Variants in RAB38 observed in about 807,000 individuals in gnomAD.
RAB38 encodes the protein RAB38, member RAS oncogene family, also known as ras-related protein Rab-38.
RAB38 carries 15 observed loss-of-function variants against 18.4 expected under a neutral mutation model. That is an observed-to-expected ratio of 0.82 (90% CI 0.55 to 1.26). RAB38 has a LOEUF of 1.26. Among genes scored for constraint, RAB38 ranks in the 50% most tolerant of loss-of-function variants. The probability of loss-of-function intolerance (pLI) is 0.00; values close to 1 mark genes in which losing one functional copy is unlikely to be tolerated. For missense variants in RAB38, 294 were observed against 267.4 expected (o/e 1.10, Z -0.69); for synonymous variants, 101 against 104.4 (o/e 0.97, Z 0.20).
chr11:88,029,404 T>G, the RAB38 span, among the ~76,000 whole-genome samples: 3 of 151,734 alleles, frequency 2.0e-5, no homozygotes, highest in Admixed American at 6.6e-5. Flanking sequence ...GTAAATGGGC[T>G]AAATGCTCCA....
At chr11:88,073,676 C>A in the RAB38 span, among the ~76,000 whole-genome samples, 1 of 151,034 alleles carries the variant, frequency 6.6e-6, no homozygotes, top group Non-Finnish European at 1.5e-5. Context: ...CTCAAATGCA[C>A]AAAGGAACCA....
At chr11:87,881,250 C>G in the RAB38 span, among the ~76,000 whole-genome samples, 60 of 151,970 alleles carry the variant, frequency 3.9e-4, no homozygotes, top group African/African-American at 1.4e-3. Flanking sequence ...TACACTGCCC[C>G]TGCTGCCCTC....
intron 1 of RAB38, among the ~76,000 whole-genome samples, chr11:88,163,370 A>G (rs1943209771): frequency 6.6e-6 from 1 of 152,182 alleles, no homozygotes; most frequent in Non-Finnish European, 1.5e-5. Context: ...TGAATAAAAG[A>G]AGATCTTTGA....
At chr11:88,142,835 G>A (rs1056872937) in intron 2 of RAB38, among the ~76,000 whole-genome samples, 2 of 152,186 alleles carry the variant, frequency 1.3e-5, no homozygotes, top group Non-Finnish European at 2.9e-5. Context: ...AAGTATATGT[G>A]AGAAAAGGCC....
At chr11:87,910,628 A>ATTTTTT in the RAB38 span, among the ~76,000 whole-genome samples, 2 of 74,194 alleles carry the variant, frequency 2.7e-5, no homozygotes, top group African/African-American at 1.2e-4. Flanking sequence ...TTCAAAGTTC[A>ATTTTTT]TTTTCTTTTT....
At chr11:87,874,845 G>C in the RAB38 span, among the ~76,000 whole-genome samples, 1 of 151,374 alleles carries the variant, frequency 6.6e-6, no homozygotes, top group South Asian at 2.1e-4. Context: ...CAGGTTGCTG[G>C]TGGGAATGTA....
At chr11:87,940,834 T>C in the RAB38 span, among the ~76,000 whole-genome samples, 1 of 151,952 alleles carries the variant, frequency 6.6e-6, no homozygotes, top group Non-Finnish European at 1.5e-5. Flanking sequence ...GATTTCACCA[T>C]ATTGCCAGGC....
downstream of RAB38, among the ~76,000 whole-genome samples, chr11:88,110,332 T>C (rs113418814): frequency 1.3e-5 from 2 of 150,880 alleles, no homozygotes; most frequent in African/African-American, 2.4e-5. Context: ...TGAGAACACA[T>C]GGACACAGAG....
At chr11:88,097,559 G>A in the RAB38 span, among the ~76,000 whole-genome samples, 36 of 151,878 alleles carry the variant, frequency 2.4e-4, no homozygotes, top group African/African-American at 8.4e-4. Flanking sequence ...TGTGCCATGC[G>A]GTGCCCTCAG....
the RAB38 span, among the ~76,000 whole-genome samples, chr11:88,037,686 G>T: frequency 6.6e-6 from 1 of 152,074 alleles, no homozygotes; most frequent in Non-Finnish European, 1.5e-5. Flanking sequence ...AAATGATACA[G>T]TATGGGTCTT....
chr11:87,962,189 G>C, the RAB38 span, among the ~76,000 whole-genome samples: 7 of 151,998 alleles, frequency 4.6e-5, no homozygotes, highest in African/African-American at 1.2e-4. Flanking sequence ...CCGAAAGAAG[G>C]CATCTTGGTG....
chr11:88,106,034 GGAAACA>G, the RAB38 span, among the ~76,000 whole-genome samples: 1 of 151,992 alleles, frequency 6.6e-6, no homozygotes, highest in East Asian at 1.9e-4. Context: ...GTCATGCAGT[GGAAACA>G]GAAACAGTCT....
the RAB38 span, among the ~76,000 whole-genome samples, chr11:87,819,691 T>C: frequency 6.9e-6 from 1 of 144,602 alleles, no homozygotes; most frequent in Non-Finnish European, 1.5e-5. Context: ...TATATATATA[T>C]GTGTGTGTGT....
the RAB38 span, among the ~76,000 whole-genome samples, chr11:87,922,889 TGGAAGGG>T: frequency 5.0e-5 from 6 of 120,512 alleles, no homozygotes; most frequent in South Asian, 2.5e-4. Context: ...GGATGGGAGA[TGGAAGGG>T]GGAAGGGAGG....
chr11:88,094,426 C>T, the RAB38 span, among the ~76,000 whole-genome samples: 118 of 151,976 alleles, frequency 7.8e-4, 2 homozygotes, highest in East Asian at 0.021. Context: ...ATTTCTGAGG[C>T]CTACCCTAGA....
At chr11:87,808,252 A>T in the RAB38 span, among the ~76,000 whole-genome samples, 26 of 152,164 alleles carry the variant, frequency 1.7e-4, no homozygotes, top group African/African-American at 2.7e-4. Flanking sequence ...GAGATATCTA[A>T]GCTCCCATGT....
chr11:87,851,056 G>A, the RAB38 span, among the ~76,000 whole-genome samples: 1 of 152,178 alleles, frequency 6.6e-6, no homozygotes, highest in Non-Finnish European at 1.5e-5. Flanking sequence ...CTCAGGGAGA[G>A]AGGCATTCAC....
the RAB38 span, among the ~76,000 whole-genome samples, chr11:88,033,270 T>G: frequency 2.6e-5 from 4 of 151,954 alleles, no homozygotes; most frequent in African/African-American, 9.7e-5. Context: ...GAGATATACC[T>G]AATGCTAGAT....
chr11:87,965,136 C>T, the RAB38 span, among the ~76,000 whole-genome samples: 3 of 152,138 alleles, frequency 2.0e-5, no homozygotes, highest in Admixed American at 6.6e-5. Context: ...CCAGACACAT[C>T]CAATGTCCCC....
Sources: allele counts gnomAD v4.1 joint callset (sites outside exome capture counted in the v4.1 genomes callset), GRCh38; gene constraint gnomAD v4.1.1; transcripts MANE v1.5; gene names NCBI Gene and HGNC (gene_info 2026-07-23, HGNC 2026-07-21).